Variants in PIK3CD observed in about 807,000 individuals in gnomAD.
PIK3CD encodes phosphatidylinositol-4,5-bisphosphate 3-kinase catalytic subunit delta, also known as phosphatidylinositol 4,5-bisphosphate 3-kinase catalytic subunit delta isoform.
A neutral mutation model predicts 122.9 loss-of-function variants in PIK3CD; 20 were observed. The ratio of observed to expected loss-of-function variants is 0.16; its 90% CI spans 0.11 to 0.24. PIK3CD has a LOEUF of 0.24. PIK3CD is among the 10% of genes least tolerant of loss of function. PIK3CD has a pLI of 1.00. For synonymous variants in PIK3CD, 596 were observed against 593.4 expected (o/e 1.00, Z -0.06); for missense variants, 787 against 1,406.3 (o/e 0.56, Z 7.04).
Position 9,707,200 on chromosome 1 carries a change from C to T in PIK3CD, c.-32-3224C>T, listed in dbSNP as rs560126223. Among the ~76,000 whole-genome samples the T allele has an allele frequency of 2.6e-5, 4 of 152,112 alleles. No individual in the cohort carries two copies. The South Asian group carries it at 8.3e-4, about 32-fold the overall frequency. On this transcript the variant is annotated intron_variant, in intron 2 of 23. Coordinates refer to ENST00000377346, the MANE Select transcript of PIK3CD (RefSeq NM_005026.5). ...CCTTTCTCTTGGGCAACACTCAGCA[C>T]TCTCCGATGAGCACAAGGGGATGGA...
rs893601850 is a variant in PIK3CD, at chr1:9,652,242, C to T, written c.-138+440C>T. ...CGCTGACTAGAGGACCAGGGGCCTC[C>T]TCTGTACGGCAGCGGGGTCCACAGA... On this transcript the variant is annotated intron_variant, in intron 1 of 23. Transcript: ENST00000377346. The surrounding 1 kb of genome is among the most constrained non-coding windows in gnomAD (Gnocchi z 6.2). 7.2e-5 allele frequency among the ~76,000 whole-genome samples: 11 copies of T among 152,232 alleles called. No individual in the cohort carries two copies. Among genetic ancestry groups the T allele is most frequent in the Non-Finnish European group, 7.4e-5 (5 of 68,024 alleles).
the PIK3CD span, among the ~76,000 whole-genome samples, chr1:9,636,904 C>CT: frequency 4.2e-3 from 619 of 146,734 alleles, 3 homozygotes; most frequent in Admixed American, 9.8e-3. Flanking sequence ...TCTTTTCTTT[C>CT]TTTTTTTTTT....
Position 9,715,428 on chromosome 1 carries a change from C to A in PIK3CD, c.142-113C>A. The A allele has an allele frequency of 1.2e-6, 1 of 836,546 alleles. No individual in the cohort carries two copies. Among genetic ancestry groups the A allele is most frequent in the Non-Finnish European group, 2.0e-6 (1 of 510,006 alleles). 51.8% of individuals were successfully genotyped at this position (836,546 alleles called of 1,614,324 possible). ...TGCAGATCTTGGGGTCTGCCTCTGC[C>A]CTCTGGGAGGTTTGGACCCCCAGGC... On this transcript the variant is annotated intron_variant, in intron 3 of 23. Transcript: ENST00000377346. The surrounding 1 kb of genome is among the most constrained non-coding windows in gnomAD (Gnocchi z 4.1).
chr1:9,635,601 T>C, the PIK3CD span, among the ~76,000 whole-genome samples: 12 of 152,154 alleles, frequency 7.9e-5, no homozygotes, highest in Non-Finnish European at 1.3e-4. Flanking sequence ...TCAACTTGGA[T>C]AGGGTCAAGG....
Position 9,710,685 on chromosome 1 carries a change from A to G in PIK3CD, c.141+89A>G, listed in dbSNP as rs1647014237. On this transcript the variant is annotated intron_variant, in intron 3 of 23. Coordinates refer to ENST00000377346, the MANE Select transcript of PIK3CD (RefSeq NM_005026.5). This position sits in a 1 kb window ranked among gnomAD's most constrained non-coding sequence, Gnocchi z 4.7. Reference sequence around the variant, plus strand: ...GATAGACAGACAGACAGACAGACAGATGGACAGGTGGACAGACGGACAGAC... The same window carrying G: ...GATAGACAGACAGACAGACAGACAGGTGGACAGGTGGACAGACGGACAGAC... 4 of 1,444,466 alleles carry G rather than the reference A, an allele frequency of 2.8e-6. No individual in the cohort carries two copies. The highest frequency in any genetic ancestry group is 3.4e-5 in the Admixed American group (2 of 59,462). The allele number at this position is 1,444,466 out of a possible 1,614,324, so 89.5% of individuals were successfully genotyped here.
chr1:9,633,570 A>G, the PIK3CD span, among the ~76,000 whole-genome samples: 1 of 151,542 alleles, frequency 6.6e-6, no homozygotes. Flanking sequence ...CAGCCTCCCA[A>G]AGTACTGGGA....
chr1:9,640,039 A>T, the PIK3CD span, among the ~76,000 whole-genome samples: 1 of 142,308 alleles, frequency 7.0e-6, no homozygotes, highest in Non-Finnish European at 1.5e-5. Flanking sequence ...ACCGTGCCCG[A>T]CCTCCTTTCT....
At chr1:9,673,605 G>C (rs996965972) in intron 1 of PIK3CD, among the ~76,000 whole-genome samples, 5 of 151,826 alleles carry the variant, frequency 3.3e-5, no homozygotes, top group African/African-American at 9.7e-5. Flanking sequence ...GTCTGGCTAT[G>C]TTGCCTAGGC....
intron 1 of PIK3CD, among the ~76,000 whole-genome samples, chr1:9,675,521 G>A (rs1645498462): frequency 6.6e-6 from 1 of 152,116 alleles, no homozygotes; most frequent in African/African-American, 2.4e-5. Flanking sequence ...AAGTGGCAGA[G>A]GCTGCTCCTA....
At position 9,652,235 on chromosome 1, in the gene PIK3CD, G is replaced by C. The variant is rs937886184; in HGVS notation, c.-138+433G>C. Among the ~76,000 whole-genome samples, 4 of 152,238 alleles carry C rather than the reference G, an allele frequency of 2.6e-5. No homozygotes were observed. The highest frequency in any genetic ancestry group is 9.6e-5 in the African/African-American group (4 of 41,478). On this transcript the variant is annotated intron_variant, in intron 1 of 23. Transcript: ENST00000377346. This position sits in a 1 kb window ranked among gnomAD's most constrained non-coding sequence, Gnocchi z 6.2. ...CTCCGAGCGCTGACTAGAGGACCAG[G>C]GGCCTCCTCTGTACGGCAGCGGGGT...
chr1:9,709,193 C>T (rs188788496), intron 2 of PIK3CD, among the ~76,000 whole-genome samples: 65 of 152,026 alleles, frequency 4.3e-4, no homozygotes, highest in African/African-American at 1.4e-3. Context: ...CCATGCCCGG[C>T]TAATTTTTAT....
chr1:9,682,309 G>A lies in PIK3CD; in HGVS notation c.-137-9158G>A, dbSNP rs539112110. On this transcript the variant is annotated intron_variant, in intron 1 of 23. Transcript: ENST00000377346. ...GTTGCCCAGGCTGGAGTGCAGTGGC[G>A]CCATCTCAGCTCACTACAACCTCCG... is the stretch of plus-strand genomic sequence containing the variant. Among the ~76,000 whole-genome samples, 24 of 149,478 alleles carry A rather than the reference G, an allele frequency of 1.6e-4. No individual in the cohort carries two copies. In the South Asian group the frequency reaches 3.4e-3, roughly 21 times the overall value.
chr1:9,661,415 G>T (rs1275071455), intron 1 of PIK3CD, among the ~76,000 whole-genome samples: 1 of 152,042 alleles, frequency 6.6e-6, no homozygotes, highest in African/African-American at 2.4e-5. Context: ...TCCTTATAGG[G>T]TCTCATTCTG....
chr1:9,689,703 C>T lies in PIK3CD; in HGVS notation c.-137-1764C>T, dbSNP rs1256619861. ...CTGTCTCCAGGGAGATCGGGCCCCG[C>T]CCCCGGCAGCGACACCCGGTACGGA... On this transcript the variant is annotated intron_variant, in intron 1 of 23. Transcript: ENST00000377346. The surrounding 1 kb of genome is among the most constrained non-coding windows in gnomAD (Gnocchi z 6.1). Among the ~76,000 whole-genome samples, 2 of 151,744 alleles carry T rather than the reference C, an allele frequency of 1.3e-5. No homozygotes were observed. The highest frequency in any genetic ancestry group is 3.9e-4 in the East Asian group (2 of 5,128).
Position 9,719,656 on chromosome 1 carries a change from G to A in PIK3CD, c.1243-265G>A, listed in dbSNP as rs928045793. ...AGCCTGGGTGACAGAGCAAGACTCC[G>A]TCTCAAAAAAAAAAAAAAGCCTGAG... On this transcript the variant is annotated intron_variant, in intron 9 of 23. Coordinates refer to ENST00000377346, the MANE Select transcript of PIK3CD (RefSeq NM_005026.5). The surrounding 1 kb of genome is among the most constrained non-coding windows in gnomAD (Gnocchi z 5.5). Among the ~76,000 whole-genome samples, 31 of 131,572 alleles carry A rather than the reference G, an allele frequency of 2.4e-4. No homozygotes were observed. Among genetic ancestry groups the A allele is most frequent in the African/African-American group, 6.1e-4 (24 of 39,642 alleles). The allele number at this position is 131,572 out of a possible 152,430, so 86.3% of individuals were successfully genotyped here. A position where few individuals can be genotyped will look rare whatever the true frequency, so the allele number is the denominator to read the frequency against.
In PIK3CD at chr1:9,724,362, C is replaced by T. The variant is rs538974291; in HGVS notation, c.2805C>T (p.Thr935=). ...INRERVPFIL[T]YDFVHVIQQG... ...GCGAGCGTGTCCCATTCATCCTCAC[C>T]TACGACTTTGTCCATGTGATTCAGC... Residue 935 remains threonine (T), a synonymous_variant, in exon 22 of 24, where the codon ACC becomes ACT. Coordinates refer to ENST00000377346, the MANE Select transcript of PIK3CD (RefSeq NM_005026.5). This position sits in a 1 kb window ranked among gnomAD's most constrained non-coding sequence, Gnocchi z 7.3. 3.1e-6 allele frequency: 5 copies of T among 1,614,160 alleles called. No individual in the cohort carries two copies. The East Asian group carries it at 6.7e-5, about 22-fold the overall frequency.
chr1:9,705,454 C>A (rs779256733), intron 2 of PIK3CD, among the ~76,000 whole-genome samples: 1 of 151,764 alleles, frequency 6.6e-6, no homozygotes, highest in Non-Finnish European at 1.5e-5. Context: ...GCTGTGATTG[C>A]GCCACTGCAC....
chr1:9,727,416 G>A lies in PIK3CD; in HGVS notation c.*370G>A, dbSNP rs552320344. On this transcript the variant is annotated 3_prime_UTR_variant, in exon 24 of 24. Transcript: ENST00000377346. ...GACTGCCTGGGTCCTGGCGCCTGGC[G>A]GTCACCTGGTGCCTACTGTCCGACA... The A allele has an allele frequency of 9.4e-5, 39 of 414,836 alleles. No homozygotes were observed. Among genetic ancestry groups the A allele is most frequent in the African/African-American group, 6.6e-4 (33 of 49,792 alleles). 25.7% of individuals were successfully genotyped at this position (414,836 alleles called of 1,614,324 possible).
chr1:9,654,560 T>C (rs1570045939), intron 1 of PIK3CD: 1 of 459,642 alleles, frequency 2.2e-6, no homozygotes, highest in Non-Finnish European at 3.9e-6. Flanking sequence ...AGTCGGTTCC[T>C]GCTTCATCTT....
Sources: allele counts gnomAD v4.1 joint callset (sites outside exome capture counted in the v4.1 genomes callset), GRCh38; gene constraint gnomAD v4.1.1; non-coding constraint Gnocchi (gnomAD v3.1); transcripts MANE v1.5; gene names NCBI Gene and HGNC (gene_info 2026-07-23, HGNC 2026-07-21).